TERB1: variants seen among roughly 807,000 people sequenced by gnomAD.
The protein encoded by TERB1 is telomere repeats-binding bouquet formation protein 1.
TERB1 carries 63 observed loss-of-function variants against 92.3 expected under a neutral mutation model. The ratio of observed to expected loss-of-function variants is 0.68; its 90% CI spans 0.56 to 0.84. The LOEUF (loss-of-function observed/expected upper bound fraction) is 0.84. TERB1 is among the 40% of genes least tolerant of loss of function. The probability of loss-of-function intolerance (pLI) is 0.00; values close to 1 mark genes in which losing one functional copy is unlikely to be tolerated. For synonymous variants in TERB1, 252 were observed against 283.9 expected (o/e 0.89, Z 1.13); for missense variants, 709 against 843.7 (o/e 0.84, Z 1.98).
At chr16:66,789,569 G>A (rs2018789227) in intron 5 of TERB1, among the ~76,000 whole-genome samples, 2 of 18,994 alleles carry the variant, frequency 1.1e-4, no homozygotes, top group Admixed American at 2.2e-3. Flanking sequence ...GGGCGACAGA[G>A]CGAGACTCCG....
chr16:66,795,761 T>C (rs891085089), intron 3 of TERB1, among the ~76,000 whole-genome samples: 4 of 152,184 alleles, frequency 2.6e-5, no homozygotes, highest in Non-Finnish European at 5.9e-5. Context: ...TCTTACTATT[T>C]ATTTATTTAT....
intron 3 of TERB1, among the ~76,000 whole-genome samples, chr16:66,792,169 T>C (rs2018846971): frequency 6.6e-6 from 1 of 152,190 alleles, no homozygotes; most frequent in Non-Finnish European, 1.5e-5. Flanking sequence ...GGAAAACCTT[T>C]TGGTCATCTC....
chr16:66,777,100 G>T, intron 11 of TERB1, 103 bp downstream of exon 11: 1 of 1,107,704 alleles, frequency 9.0e-7, no homozygotes, highest in Non-Finnish European at 1.2e-6. Flanking sequence ...TAGGAGAAAA[G>T]CAATACTTTT....
Position 66,759,221 on chromosome 16 carries a change from T to A in TERB1, c.1850A>T (p.Gln617Leu). The change falls in exon 17 of 19, where the codon CAA (glutamine) becomes CTA (leucine). Residue 617 changes from glutamine to leucine, a missense_variant. Coordinates refer to ENST00000433154, the MANE Select transcript of TERB1 (RefSeq NM_001136505.2). ...CACAATGACTTTGTGACGATCACAT[T>A]GGTATGGGCAAGAGTGCAAGAGCTT... ...FSKLLHSCPY[Q>L]CDRHKVIVEA... 6.4e-7 allele frequency: 1 copy of A among 1,551,142 alleles called. No individual in the cohort carries two copies. The highest frequency in any genetic ancestry group is 1.2e-5 in the South Asian group (1 of 83,890).
chr16:66,762,688 CT>C (rs938590342), intron 16 of TERB1, among the ~76,000 whole-genome samples: 29 of 136,968 alleles, frequency 2.1e-4, no homozygotes, highest in Admixed American at 5.9e-4. Flanking sequence ...CCAGCCGGGA[CT>C]TTTTTTTTTT....
intron 11 of TERB1, 107 bp downstream of exon 11, chr16:66,777,096 A>C: frequency 9.3e-7 from 1 of 1,080,818 alleles, no homozygotes; most frequent in South Asian, 1.9e-5. Context: ...TGACTAGGAG[A>C]AAAGCAATAC....
intron 2 of TERB1, among the ~76,000 whole-genome samples, chr16:66,799,442 G>A (rs1959221752): frequency 1.3e-5 from 2 of 152,036 alleles, no homozygotes; most frequent in African/African-American, 2.4e-5. Context: ...TGGCCACGCT[G>A]GTCTCGAACT....
At chr16:66,776,329 CAA>C (rs377113453) in intron 11 of TERB1, among the ~76,000 whole-genome samples, 29 of 89,294 alleles carry the variant, frequency 3.2e-4, no homozygotes, top group East Asian at 3.7e-4. Flanking sequence ...AACTCCGTCT[CAA>C]AAAAAAAAAA....
intron 3 of TERB1, 135 bp from the exon 4 acceptor site, chr16:66,791,154 C>A (rs2018827777): frequency 4.2e-6 from 2 of 471,478 alleles, no homozygotes; most frequent in African/African-American, 2.0e-5. Flanking sequence ...CTTTTATAAT[C>A]CAACAACCAT....
intron 16 of TERB1, among the ~76,000 whole-genome samples, chr16:66,761,277 C>T (rs2018243264): frequency 6.7e-6 from 1 of 149,244 alleles, no homozygotes; most frequent in African/African-American, 2.5e-5. Flanking sequence ...CATGACAAAA[C>T]CCCGTCTCTA....
intron 12 of TERB1, among the ~76,000 whole-genome samples, chr16:66,774,680 TTTC>T (rs2018514256): frequency 9.3e-6 from 1 of 106,984 alleles, no homozygotes; most frequent in Non-Finnish European, 1.8e-5. Context: ...ATACTCTGAT[TTTC>T]TTTTTTTTTT....
At position 66,767,440 on chromosome 16, in the gene TERB1, G is replaced by A. The variant is rs746139255; in HGVS notation, c.1755C>T (p.Ser585=). Residue 585 remains serine, a synonymous_variant, in exon 16 of 19, where the codon TCC becomes TCT. Transcript: ENST00000433154. ...CTGAGCACCTATACGTCAACATTTC[G>A]GAACAACTGGGAGTTGCTAGAAAAC... ...VVSFLATPSC[S]EMLTYRCSGC... is the part of the protein sequence containing the mutation. The A allele has an allele frequency of 1.0e-5, 16 of 1,524,658 alleles. No homozygotes were observed. Among genetic ancestry groups the A allele is most frequent in the South Asian group, 5.1e-5 (4 of 78,948 alleles). 94.4% of individuals were successfully genotyped at this position (1,524,658 alleles called of 1,614,324 possible).
intron 16 of TERB1, among the ~76,000 whole-genome samples, chr16:66,761,037 G>A (rs566985483): frequency 2.4e-4 from 35 of 143,382 alleles, no homozygotes; most frequent in African/African-American, 8.8e-4. Context: ...GCTTGAACCC[G>A]CCAGGTGGAG....
chr16:66,801,196 C>G (rs866845494), intron 1 of TERB1, 143 bp from the exon 2 acceptor site: 1 of 153,364 alleles, frequency 6.5e-6, no homozygotes, highest in African/African-American at 2.4e-5. Context: ...GGGTCCCACC[C>G]TCTCCACACA....
chr16:66,765,933 G>A lies in TERB1; in HGVS notation c.1780+1482C>T, dbSNP rs1456357786. ...AGGCCGGACTGCGGACTGCAGTGGC[G>A]CAATCTCGGCTCACTGCAAGCTCCG... On this transcript the variant is annotated intron_variant, in intron 16 of 18. Coordinates refer to ENST00000433154, the MANE Select transcript of TERB1 (RefSeq NM_001136505.2). Among the ~76,000 whole-genome samples, 4 of 122,456 alleles carry A rather than the reference G, an allele frequency of 3.3e-5. 1 individual carries two copies. The highest frequency in any genetic ancestry group is 2.8e-4 in the East Asian group (1 of 3,570). 80.3% of individuals were successfully genotyped at this position (122,456 alleles called of 152,430 possible). A position where few individuals can be genotyped will look rare whatever the true frequency, so the allele number is the denominator to read the frequency against.
At chr16:66,789,008 G>A (rs2018774488) in intron 5 of TERB1, among the ~76,000 whole-genome samples, 1 of 121,728 alleles carries the variant, frequency 8.2e-6, no homozygotes, top group Admixed American at 8.8e-5. Flanking sequence ...AAAGTGGTGG[G>A]TATGGTACCA....
chr16:66,781,488 A>G (rs891346352), intron 9 of TERB1, among the ~76,000 whole-genome samples: 23 of 150,088 alleles, frequency 1.5e-4, no homozygotes, highest in Middle Eastern at 3.4e-3. Flanking sequence ...CTGATTTATA[A>G]GAGCTGTTTA....
At chr16:66,791,196 ATAACT>A (rs1169607440) in intron 3 of TERB1, among the ~76,000 whole-genome samples, 177 bp from the exon 4 acceptor site, 1 of 152,134 alleles carries the variant, frequency 6.6e-6, no homozygotes, top group Non-Finnish European at 1.5e-5. Context: ...TTTAAATAAA[ATAACT>A]TAAAATGAAC....
chr16:66,785,612 A>C (rs566748927), intron 9 of TERB1, among the ~76,000 whole-genome samples, 174 bp downstream of exon 9: 14 of 152,318 alleles, frequency 9.2e-5, no homozygotes, highest in African/African-American at 2.9e-4. Context: ...CCATCTTCCC[A>C]ATATCCTTCT....
Sources: allele counts gnomAD v4.1 joint callset (sites outside exome capture counted in the v4.1 genomes callset), GRCh38; gene constraint gnomAD v4.1.1; transcripts MANE v1.5; gene names NCBI Gene and HGNC (gene_info 2026-07-23, HGNC 2026-07-21).